OR9Q2: variants seen among roughly 807,000 people sequenced by gnomAD.
OR9Q2 encodes olfactory receptor 9Q2.
OR9Q2 carries 2 observed loss-of-function variants against 2.3 expected under a neutral mutation model. The ratio of observed to expected loss-of-function variants is 0.85; its 90% CI spans 0.35 to 2.68. OR9Q2 has a LOEUF of 2.68. OR9Q2 is among the 30% of genes most tolerant of loss of function. OR9Q2 has a pLI of 0.10. For missense variants in OR9Q2, 404 were observed against 395.7 expected, an observed-to-expected ratio of 1.02 and a Z score of -0.18; for synonymous variants, 178 against 158.6, an observed-to-expected ratio of 1.12 and a Z score of -0.92.
rs1480745795 is a variant in OR9Q2 at position 58,190,997 on chromosome 11, T to A, written c.507T>A (p.Cys169Ter). 6.2e-7 allele frequency: 1 copy of A among 1,614,214 alleles called. No individual in the cohort carries two copies. Among genetic ancestry groups the A allele is most frequent in the South Asian group, 1.1e-5 (1 of 91,090 alleles). Residue 169 changes from cysteine to a stop codon, truncating the protein, a stop_gained, in exon 2 of 2, where the codon TGT becomes TGA. Coordinates refer to ENST00000641291, the MANE Select transcript of OR9Q2 (RefSeq NM_001005283.3). LOFTEE classifies it high-confidence loss of function. ...TCACAGCCTTCACTCTCTCCTTTTG[T>A]GGAAACAATGAGATCAACTTCATTT... ...RTVTAFTLSF[C>*]GNNEINFIFC...
chr11:58,190,929 G>A lies in OR9Q2; in HGVS notation c.439G>A (p.Gly147Arg). 1 of 1,614,190 alleles carries A rather than the reference G, an allele frequency of 6.2e-7. No individual in the cohort carries two copies. Among genetic ancestry groups the A allele is most frequent in the Non-Finnish European group, 8.5e-7 (1 of 1,180,030 alleles). The change falls in exon 2 of 2, where the codon GGG becomes AGG. Residue 147 changes from glycine (G) to arginine (R), a missense_variant. Physicochemically the swap from Gly to Arg is moderately radical, Grantham distance 125. Transcript: ENST00000641291. ...TEKARWGLVT[G>R]AYVAGFFSAF... ...GAAGGCCCGCTGGGGCCTAGTCACT[G>A]GGGCTTACGTTGCTGGTTTTTTCAG...
chr11:58,191,391 A>T lies in OR9Q2; in HGVS notation c.901A>T (p.Thr301Ser), dbSNP rs918736446. 5 of 1,613,440 alleles carry T rather than the reference A, an allele frequency of 3.1e-6. No homozygotes were observed. In the African/African-American group the frequency reaches 6.7e-5, roughly 22 times the overall value. ...SLRNKEVKEA[T>S]RKALSKSKPA... ...GAGAAACAAGGAGGTAAAAGAGGCC[A>T]CTAGGAAAGCCCTGAGCAAATCAAA... Residue 301 changes from threonine to serine, a missense_variant, in exon 2 of 2, where the codon ACT (threonine) becomes TCT (serine). Physicochemically the swap from Thr to Ser is moderately conservative, Grantham distance 58. Transcript: ENST00000641291.
At position 58,190,689 on chromosome 11, in the gene OR9Q2, TC is replaced by T. The variant is rs778863962; in HGVS notation, c.201del (p.Leu68TrpfsTer69). On this transcript the variant is annotated frameshift_variant, in exon 2 of 2. Transcript: ENST00000641291. LOFTEE classifies it high-confidence loss of function. Reference protein sequence around the residue: ...TPMYFFLSHLSLVDICYSSAI... With the variant: ...TPMYFFLSHLXLVDICYSSAI... Reference sequence around the variant, plus strand: ...GATGTACTTCTTCCTCAGCCACCTTTCCTTGGTGGACATCTGCTACTCGTCC... The same window carrying T: ...GATGTACTTCTTCCTCAGCCACCTTTCTTGGTGGACATCTGCTACTCGTCC... 5.6e-6 allele frequency: 9 copies of T among 1,614,072 alleles called. No individual in the cohort carries two copies. In the African/African-American group the frequency reaches 1.2e-4, roughly 22 times the overall value.
rs1242249464 is a variant in OR9Q2 at position 58,190,337 on chromosome 11, A to G, written c.-154A>G. On this transcript the variant is annotated 5_prime_UTR_variant, in exon 2 of 2. Coordinates refer to ENST00000641291, the MANE Select transcript of OR9Q2 (RefSeq NM_001005283.3). ...ATTACAGTGAGCTCAATATCTGTCT[A>G]TATCTATCTTCGACTGAAAAGTGTG... 2 of 607,124 alleles carry G rather than the reference A, an allele frequency of 3.3e-6. No individual in the cohort carries two copies. Among genetic ancestry groups the G allele is most frequent in the Non-Finnish European group, 5.9e-6 (2 of 339,986 alleles). 37.6% of individuals were successfully genotyped at this position (607,124 alleles called of 1,614,324 possible).
At chr11:58,189,925 A>C (rs1474657087) in intron 1 of OR9Q2, among the ~76,000 whole-genome samples, 1 of 152,246 alleles carries the variant, frequency 6.6e-6, no homozygotes, top group Non-Finnish European at 1.5e-5. Flanking sequence ...TGAGAATAGT[A>C]ATATTCCTAC....
rs149505103 is a variant in OR9Q2 at position 58,191,213 on chromosome 11, C to T, written c.723C>T (p.Cys241=). The T allele has an allele frequency of 2.7e-5, 44 of 1,614,130 alleles. No individual in the cohort carries two copies. The Middle Eastern group carries it at 6.6e-4, about 24-fold the overall frequency. ...GCCGGGCCAAGACCTTCTCCACCTG[C>T]GCCTCCCACCTCACTGCCGTCGCTC... ...AGGRAKTFST[C]ASHLTAVALF... The change falls in exon 2 of 2, where the codon TGC becomes TGT. Residue 241 remains cysteine, a synonymous_variant. Coordinates refer to ENST00000641291, the MANE Select transcript of OR9Q2 (RefSeq NM_001005283.3).
At position 58,191,180 on chromosome 11, in the gene OR9Q2, T is replaced by G; in HGVS notation, c.690T>G (p.Ser230=). Residue 230 remains serine, a synonymous_variant, in exon 2 of 2, where the codon TCT becomes TCG. Coordinates refer to ENST00000641291, the MANE Select transcript of OR9Q2 (RefSeq NM_001005283.3). ...FIIVAILQIH[S]AGGRAKTFST... ...TTGTGGCCATCCTGCAGATCCACTC[T>G]GCTGGAGGCCGGGCCAAGACCTTCT... The G allele has an allele frequency of 1.9e-6, 3 of 1,614,212 alleles. No individual in the cohort carries two copies. Among genetic ancestry groups the G allele is most frequent in the East Asian group, 2.2e-5 (1 of 44,876 alleles).
At position 58,193,880 on chromosome 11, in the gene OR9Q2, A is replaced by G. The variant is rs1590634333; in HGVS notation, c.*2445A>G. 1 of 152,272 alleles carries G rather than the reference A, an allele frequency of 6.6e-6. No homozygotes were observed. Among genetic ancestry groups the G allele is most frequent in the East Asian group, 1.9e-4 (1 of 5,166 alleles). 9.4% of individuals were successfully genotyped at this position (152,272 alleles called of 1,614,324 possible). A position where few individuals can be genotyped will look rare whatever the true frequency, so the allele number is the denominator to read the frequency against. On this transcript the variant is annotated 3_prime_UTR_variant, in exon 2 of 2. Transcript: ENST00000641291. ...ATTGCCTTCAAAGCCCTTCCAGAAT[A>G]TCTCTTGGCTCAGAGTGCTTCAATA...
At position 58,190,923 on chromosome 11, in the gene OR9Q2, G is replaced by A. The variant is rs1184661255; in HGVS notation, c.433G>A (p.Val145Ile). ...AACCGAGAAGGCCCGCTGGGGCCTA[G>A]TCACTGGGGCTTACGTTGCTGGTTT... ...IITEKARWGL[V>I]TGAYVAGFFS... The change falls in exon 2 of 2, where the codon GTC becomes ATC. Residue 145 changes from valine to isoleucine, a missense_variant. Physicochemically the swap from Val to Ile is conservative, Grantham distance 29. Transcript: ENST00000641291. 3 of 1,614,224 alleles carry A rather than the reference G, an allele frequency of 1.9e-6. No individual in the cohort carries two copies. The South Asian group carries it at 3.3e-5, about 18-fold the overall frequency.
At position 58,190,910 on chromosome 11, in the gene OR9Q2, C is replaced by T. The variant is rs377268144; in HGVS notation, c.420C>T (p.Ala140=). The T allele has an allele frequency of 3.4e-5, 55 of 1,614,110 alleles. No homozygotes were observed. Among genetic ancestry groups the T allele is most frequent in the Non-Finnish European group, 4.3e-5 (51 of 1,180,046 alleles). The change falls in exon 2 of 2, where the codon GCC becomes GCT. Residue 140 remains alanine, a synonymous_variant. Transcript: ENST00000641291. ...ATGTCACCATCATAACCGAGAAGGC[C>T]CGCTGGGGCCTAGTCACTGGGGCTT... The part of the protein sequence containing the change: ...LLYVTIITEK[A]RWGLVTGAYV...
rs1388005608 is a variant in OR9Q2, at chr11:58,191,425, G to A, written c.935G>A (p.Arg312Lys). The A allele has an allele frequency of 3.1e-6, 5 of 1,594,672 alleles. No individual in the cohort carries two copies. The highest frequency in any genetic ancestry group is 2.2e-5 in the South Asian group (2 of 89,374). Residue 312 changes from arginine to lysine, a missense_variant, in exon 2 of 2, where the codon AGA (arginine) becomes AAA (lysine). Coordinates refer to ENST00000641291, the MANE Select transcript of OR9Q2 (RefSeq NM_001005283.3). The part of the protein sequence containing the change: ...RKALSKSKPA[R>K]RP ...GCCCTGAGCAAATCAAAGCCTGCTA[G>A]AAGACCCTAAATGGACCCTTGTGAA...
chr11:58,192,656 G>T lies in OR9Q2; in HGVS notation c.*1221G>T, dbSNP rs998734522. 2 of 152,094 alleles carry T rather than the reference G, an allele frequency of 1.3e-5. No homozygotes were observed. The highest frequency in any genetic ancestry group is 4.8e-5 in the African/African-American group (2 of 41,396). The allele number at this position is 152,094 out of a possible 1,614,324, so 9.4% of individuals were successfully genotyped here. On this transcript the variant is annotated 3_prime_UTR_variant, in exon 2 of 2. Transcript: ENST00000641291. ...CAACTTCTGAATTTGAGGAATGTTT[G>T]TTTTAAGGAGATATAATAAATATTT...
At position 58,190,966 on chromosome 11, in the gene OR9Q2, G is replaced by C. The variant is rs762401748; in HGVS notation, c.476G>C (p.Arg159Pro). The C allele has an allele frequency of 3.7e-6, 6 of 1,613,990 alleles. No individual in the cohort carries two copies. In the African/African-American group the frequency reaches 8.0e-5, roughly 22 times the overall value. ...YVAGFFSAFV[R>P]TVTAFTLSFC... ...GCTGGTTTTTTCAGTGCCTTTGTTC[G>C]AACGGTCACAGCCTTCACTCTCTCC... The change falls in exon 2 of 2, where the codon CGA becomes CCA. Residue 159 changes from arginine (R) to proline (P), a missense_variant. Physicochemically the swap from Arg to Pro is moderately radical, Grantham distance 103 (BLOSUM62 -2). Coordinates refer to ENST00000641291, the MANE Select transcript of OR9Q2 (RefSeq NM_001005283.3).
rs1854754833 is a variant in OR9Q2 at position 58,190,909 on chromosome 11, C to A, written c.419C>A (p.Ala140Asp). ...LLYVTIITEK[A>D]RWGLVTGAYV... ...TATGTCACCATCATAACCGAGAAGGCCCGCTGGGGCCTAGTCACTGGGGCT... is the reference window on the plus strand; with the variant it reads ...TATGTCACCATCATAACCGAGAAGGACCGCTGGGGCCTAGTCACTGGGGCT... Residue 140 changes from alanine (A) to aspartate (D), a missense_variant, in exon 2 of 2, where the codon GCC (alanine) becomes GAC (aspartate). Ala to Asp is a moderately radical substitution (Grantham distance 126). Transcript: ENST00000641291. 6.2e-7 allele frequency: 1 copy of A among 1,614,116 alleles called. No homozygotes were observed. Among genetic ancestry groups the A allele is most frequent in the Non-Finnish European group, 8.5e-7 (1 of 1,180,056 alleles).
chr11:58,191,607 A>G lies in OR9Q2; in HGVS notation c.*172A>G. On this transcript the variant is annotated 3_prime_UTR_variant, in exon 2 of 2. Coordinates refer to ENST00000641291, the MANE Select transcript of OR9Q2 (RefSeq NM_001005283.3). The stretch of plus-strand genomic sequence containing the variant: ...TGTAATACTTATCATCATCTGACAT[A>G]TTAGATGTTATATGTGTTTGACATT... 1 of 524,828 alleles carries G rather than the reference A, an allele frequency of 1.9e-6. No individual in the cohort carries two copies. Among genetic ancestry groups the G allele is most frequent in the Non-Finnish European group, 3.4e-6 (1 of 296,896 alleles). 32.5% of individuals were successfully genotyped at this position (524,828 alleles called of 1,614,324 possible).
Position 58,190,943 on chromosome 11 carries a change from T to C in OR9Q2, c.453T>C (p.Ala151=). Residue 151 remains alanine (A), a synonymous_variant, in exon 2 of 2, where the codon GCT becomes GCC. Transcript: ENST00000641291. ...RWGLVTGAYV[A]GFFSAFVRTV... is the part of the protein sequence containing the mutation. Reference sequence around the variant, plus strand: ...GCCTAGTCACTGGGGCTTACGTTGCTGGTTTTTTCAGTGCCTTTGTTCGAA... The same window carrying C: ...GCCTAGTCACTGGGGCTTACGTTGCCGGTTTTTTCAGTGCCTTTGTTCGAA... 1 of 1,614,238 alleles carries C rather than the reference T, an allele frequency of 6.2e-7. No homozygotes were observed. Among genetic ancestry groups the C allele is most frequent in the Non-Finnish European group, 8.5e-7 (1 of 1,180,034 alleles).
rs1230259438 is a variant in OR9Q2 at position 58,192,427 on chromosome 11, C to T, written c.*992C>T. 2.6e-5 allele frequency: 4 copies of T among 152,158 alleles called. No homozygotes were observed. The highest frequency in any genetic ancestry group is 4.4e-5 in the Non-Finnish European group (3 of 68,040). The allele number at this position is 152,158 out of a possible 1,614,324, so 9.4% of individuals were successfully genotyped here. On this transcript the variant is annotated 3_prime_UTR_variant, in exon 2 of 2. Coordinates refer to ENST00000641291, the MANE Select transcript of OR9Q2 (RefSeq NM_001005283.3). The stretch of plus-strand genomic sequence containing the variant: ...ATCTATTGCCTATTCTATATAATCA[C>T]TCAACCGGAATTTATTGTTATTGCT...
Position 58,192,234 on chromosome 11 carries a change from C to G in OR9Q2, c.*799C>G, listed in dbSNP as rs1468679363. ...TTATTTGATTTAATTTACAGGACAT[C>G]CCTATGAGGTAGGTTCTATTATTAT... On this transcript the variant is annotated 3_prime_UTR_variant, in exon 2 of 2. Coordinates refer to ENST00000641291, the MANE Select transcript of OR9Q2 (RefSeq NM_001005283.3). The G allele has an allele frequency of 6.6e-6, 1 of 151,866 alleles. No individual in the cohort carries two copies. Among genetic ancestry groups the G allele is most frequent in the African/African-American group, 2.4e-5 (1 of 41,318 alleles). The allele number at this position is 151,866 out of a possible 1,614,324, so 9.4% of individuals were successfully genotyped here. A position where few individuals can be genotyped will look rare whatever the true frequency, so the allele number is the denominator to read the frequency against.
In OR9Q2 at chr11:58,192,116, A is replaced by AAT. The variant is rs1554973952; in HGVS notation, c.*682_*683insTA. 1 of 145,588 alleles carries AAT rather than the reference A, an allele frequency of 6.9e-6. No homozygotes were observed. The highest frequency in any genetic ancestry group is 2.5e-5 in the African/African-American group (1 of 39,860). The allele number at this position is 145,588 out of a possible 1,614,324, so 9.0% of individuals were successfully genotyped here. A position where few individuals can be genotyped will look rare whatever the true frequency, so the allele number is the denominator to read the frequency against. ...TGTGATTTTTGAATAACAATGAGGAAAATAATAATAATAATAATAATAATA... is the reference window on the plus strand; with the variant it reads ...TGTGATTTTTGAATAACAATGAGGAAATAATAATAATAATAATAATAATAATA... On this transcript the variant is annotated 3_prime_UTR_variant, in exon 2 of 2. Transcript: ENST00000641291.
Sources: gnomAD v4.1 joint callset for allele counts (sites outside exome capture counted in the v4.1 genomes callset) on GRCh38, gnomAD v4.1.1 for gene constraint, MANE v1.5 for transcripts, NCBI Gene and HGNC (gene_info 2026-07-23, HGNC 2026-07-21) for gene names.